Variants in TSHZ3 observed in about 807,000 individuals in gnomAD.
TSHZ3 encodes the protein teashirt homolog 3.
Under a neutral mutation model 64.5 loss-of-function variants are expected in TSHZ3, and 10 were observed. The observed-to-expected ratio is 0.16, with a 90% CI of 0.10 to 0.26. TSHZ3 has a LOEUF of 0.26. Among genes scored for constraint, TSHZ3 ranks in the 10% least tolerant of loss-of-function variants. The pLI is 1.00. For synonymous variants in TSHZ3, 608 were observed against 593.1 expected, an observed-to-expected ratio of 1.03 and a Z score of -0.36; for missense variants, 1,242 against 1,421.7, an observed-to-expected ratio of 0.87 and a Z score of 2.03.
intron 3 of TSHZ3, among the ~76,000 whole-genome samples, chr19:31,228,913 C>G (rs1273068528): frequency 2.0e-5 from 3 of 152,176 alleles, no homozygotes; most frequent in Admixed American, 2.0e-4. Context: ...AATCTTAGAT[C>G]CTAACCTCTC....
At chr19:31,323,025 T>C (rs1916818336) in intron 1 of TSHZ3, among the ~76,000 whole-genome samples, 1 of 152,244 alleles carries the variant, frequency 6.6e-6, no homozygotes, top group Non-Finnish European at 1.5e-5. Flanking sequence ...CCCTTTATAA[T>C]GTGTGCATGT....
chr19:31,164,423 G>A (rs141876548), intron 5 of TSHZ3, among the ~76,000 whole-genome samples: 2 of 152,202 alleles, frequency 1.3e-5, no homozygotes, highest in Admixed American at 6.5e-5. Flanking sequence ...CTTTATAAAC[G>A]TGAAATGTTA....
upstream of TSHZ3, among the ~76,000 whole-genome samples, chr19:31,350,592 G>T (rs114589158): frequency 6.6e-6 from 1 of 151,582 alleles, no homozygotes; most frequent in Non-Finnish European, 1.5e-5. Context: ...GGGGCTGCTG[G>T]ACTAGAGGGA....
chr19:31,169,206 C>T (rs1234990147), intron 5 of TSHZ3, among the ~76,000 whole-genome samples: 2 of 152,046 alleles, frequency 1.3e-5, no homozygotes, highest in African/African-American at 4.8e-5. Context: ...ATAGTGCAGC[C>T]ACTGTGGAAA....
chr19:31,221,313 AG>A (rs1166479904), intron 4 of TSHZ3, among the ~76,000 whole-genome samples: 1 of 152,202 alleles, frequency 6.6e-6, no homozygotes, highest in East Asian at 1.9e-4. Flanking sequence ...GTATGAGTGC[AG>A]TGATACACAT....
intron 1 of TSHZ3, among the ~76,000 whole-genome samples, chr19:31,345,727 T>C (rs1381853674): frequency 6.6e-6 from 1 of 152,192 alleles, no homozygotes; most frequent in Non-Finnish European, 1.5e-5. Context: ...TGGTCTTTTA[T>C]GATTTCACAT....
intron 1 of TSHZ3, among the ~76,000 whole-genome samples, chr19:31,323,155 A>C (rs1483405864): frequency 6.6e-6 from 1 of 152,178 alleles, no homozygotes; most frequent in East Asian, 1.9e-4. Context: ...TCAAATGCTG[A>C]GATAACCTCA....
chr19:31,331,744 G>A (rs1917102093), intron 1 of TSHZ3, among the ~76,000 whole-genome samples: 1 of 152,224 alleles, frequency 6.6e-6, no homozygotes, highest in Non-Finnish European at 1.5e-5. Flanking sequence ...TGTCAGAGCT[G>A]TCTGGTCCAG....
chr19:31,348,931 G>C, intron 1 of TSHZ3: 1 of 466,360 alleles, frequency 2.1e-6, no homozygotes, highest in Non-Finnish European at 3.8e-6. Flanking sequence ...GGGACCTGGC[G>C]CGGCTCAGCG....
chr19:31,290,415 T>C (rs189321918), intron 1 of TSHZ3, among the ~76,000 whole-genome samples: 2 of 151,462 alleles, frequency 1.3e-5, no homozygotes, highest in East Asian at 2.0e-4. Context: ...AAGTGTGGGA[T>C]GGAATGGAGG....
rs747053120 is a variant in TSHZ3 at position 31,276,627 on chromosome 19, C to T, written c.3166G>A (p.Val1056Ile). Residue 1056 changes from valine to isoleucine, a missense_variant, in exon 2 of 2, where the codon GTT (valine) becomes ATT (isoleucine). This residue lies in a region of TSHZ3 where 126 missense variants were observed against 140.6 expected (regional missense o/e 0.90). Transcript: ENST00000240587. ...TGTGTTTTGCTAAGGTGAAGTTTAA[C>T]AGCGTGCTTGCTGGCAAAGGTCCGA... is the stretch of plus-strand genomic sequence containing the variant. ...CNRTFASKHA[V>I]KLHLSKTHGK... 1 of 1,610,646 alleles carries T rather than the reference C, an allele frequency of 6.2e-7. No homozygotes were observed.
chr19:31,307,641 T>C (rs891653659), intron 1 of TSHZ3, among the ~76,000 whole-genome samples: 1 of 152,214 alleles, frequency 6.6e-6, no homozygotes, highest in Admixed American at 6.5e-5. Context: ...AAACAAAGCC[T>C]TAACAGAAAT....
intron 3 of TSHZ3, among the ~76,000 whole-genome samples, chr19:31,239,247 G>A (rs1338384646): frequency 6.6e-6 from 1 of 151,706 alleles, no homozygotes; most frequent in Non-Finnish European, 1.5e-5. Flanking sequence ...TATGTTAAAG[G>A]TCACTCTACA....
intron 1 of TSHZ3, among the ~76,000 whole-genome samples, chr19:31,247,183 G>A (rs567514731): frequency 4.5e-4 from 69 of 152,250 alleles, no homozygotes; most frequent in Non-Finnish European, 8.8e-4. Context: ...TAAAACTACT[G>A]AAGGGATGTT....
intron 1 of TSHZ3, among the ~76,000 whole-genome samples, chr19:31,266,306 A>T (rs1374965904): frequency 6.6e-6 from 1 of 152,186 alleles, no homozygotes; most frequent in Non-Finnish European, 1.5e-5. Context: ...CTACCAAAAA[A>T]TAAAAGGATT....
Position 31,276,552 on chromosome 19 carries a change from G to C in TSHZ3, c.3241C>G (p.Gln1081Glu), listed in dbSNP as rs763550369. The C allele has an allele frequency of 6.5e-7, 1 of 1,543,322 alleles. No homozygotes were observed. The highest frequency in any genetic ancestry group is 1.4e-5 in the African/African-American group (1 of 72,722). The change falls in exon 2 of 2, where the codon CAG (glutamine) becomes GAG (glutamate). Residue 1081 changes from glutamine (Q) to glutamate (E), a missense_variant. Transcript: ENST00000240587. ...CTTTCTATCAAAAGCAAATGCTACT[G>C]CTTCTCTAACTCAGAGACATACAGA... is the stretch of plus-strand genomic sequence containing the variant. The part of the protein sequence containing the change: ...HLLYVSELEK[Q>E]
At chr19:31,197,456 A>G (rs1235313012) in intron 5 of TSHZ3, among the ~76,000 whole-genome samples, 1 of 151,750 alleles carries the variant, frequency 6.6e-6, no homozygotes, top group Non-Finnish European at 1.5e-5. Flanking sequence ...AAAAAATGAA[A>G]ATTAGAAGAG....
At chr19:31,229,202 A>G (rs184315061) in intron 3 of TSHZ3, among the ~76,000 whole-genome samples, 1 of 152,382 alleles carries the variant, frequency 6.6e-6, no homozygotes. Flanking sequence ...GAAACCTGAC[A>G]AAATGATTCT....
At chr19:31,236,883 T>G (rs1209372956) in intron 3 of TSHZ3, among the ~76,000 whole-genome samples, 2 of 152,172 alleles carry the variant, frequency 1.3e-5, no homozygotes, top group Non-Finnish European at 2.9e-5. Flanking sequence ...GCGTGGTGGC[T>G]CAGGCCTGTA....
Sources: gnomAD v4.1 joint callset for allele counts (sites outside exome capture counted in the v4.1 genomes callset) on GRCh38, gnomAD v4.1.1 for gene constraint, gnomAD v4.1.1 regional missense constraint, MANE v1.5 for transcripts, NCBI Gene and HGNC (gene_info 2026-07-23, HGNC 2026-07-21) for gene names.